The following CCDC148 variants were observed in gnomAD, a reference collection of about 807,000 sequenced individuals.
CCDC148 encodes coiled-coil domain-containing protein 148.
In CCDC148, 89 loss-of-function variants were observed where a neutral mutation model predicts 85.7. The observed-to-expected ratio is 1.04, with a 90% confidence interval of 0.87 to 1.24. The LOEUF is 1.24. Ranked by LOEUF, CCDC148 falls within the 50% of genes most tolerant of loss-of-function variation. The pLI, the probability that CCDC148 is intolerant of heterozygous loss-of-function variation, is 0.00. For synonymous variants in CCDC148, 230 were observed against 213.9 expected (o/e 1.08, Z -0.66); for missense variants, 692 against 671.7 (o/e 1.03, Z -0.33).
At chr2:158,314,895 A>G (rs973502069) in intron 7 of CCDC148, among the ~76,000 whole-genome samples, 4 of 152,210 alleles carry the variant, frequency 2.6e-5, no homozygotes, top group African/African-American at 9.6e-5. Context: ...TGCCCCTAAA[A>G]AATATTTGAC....
intron 7 of CCDC148, among the ~76,000 whole-genome samples, chr2:158,325,944 G>A (rs2105225702): frequency 6.6e-6 from 1 of 152,180 alleles, no homozygotes; most frequent in African/African-American, 2.4e-5. Flanking sequence ...CAGCCCCACA[G>A]TTTATCTTAA....
At chr2:158,207,984 C>CAG (rs1189494571) in intron 11 of CCDC148, among the ~76,000 whole-genome samples, 1 of 150,982 alleles carries the variant, frequency 6.6e-6, no homozygotes, top group African/African-American at 2.4e-5. Context: ...CACACACACA[C>CAG]ACTTTCTGTT....
chr2:158,262,444 A>G (rs2105153638), intron 9 of CCDC148, among the ~76,000 whole-genome samples: 1 of 152,116 alleles, frequency 6.6e-6, no homozygotes, highest in South Asian at 2.1e-4. Flanking sequence ...ATATATCTGC[A>G]CAATAAAACC....
At chr2:158,409,315 G>A (rs1174875223) in intron 1 of CCDC148, among the ~76,000 whole-genome samples, 1 of 152,194 alleles carries the variant, frequency 6.6e-6, no homozygotes, top group Non-Finnish European at 1.5e-5. Context: ...GACAGCCCAT[G>A]AAAGCAGCCA....
intron 1 of CCDC148, among the ~76,000 whole-genome samples, chr2:158,420,526 C>T (rs950783266): frequency 6.6e-6 from 1 of 152,080 alleles, no homozygotes; most frequent in African/African-American, 2.4e-5. Context: ...CCTTTACAGA[C>T]AAGCAAATAC....
intron 9 of CCDC148, among the ~76,000 whole-genome samples, chr2:158,285,553 C>T (rs1470383560): frequency 1.6e-4 from 23 of 148,354 alleles, no homozygotes; most frequent in South Asian, 2.1e-4. Flanking sequence ...TTTTTTGAGA[C>T]GGAGTCTTGC....
intron 7 of CCDC148, among the ~76,000 whole-genome samples, chr2:158,332,723 C>T (rs1051108014): frequency 3.9e-5 from 6 of 151,950 alleles, no homozygotes; most frequent in African/African-American, 1.5e-4. Context: ...TGTTATTGGT[C>T]TACTCAGGGA....
intron 3 of CCDC148, among the ~76,000 whole-genome samples, chr2:158,341,792 A>G (rs553278692): frequency 6.6e-6 from 1 of 151,728 alleles, no homozygotes; most frequent in Non-Finnish European, 1.5e-5. Context: ...AGCAATTATA[A>G]TCCTTTAATA....
At chr2:158,255,385 T>C (rs1349273191) in intron 9 of CCDC148, among the ~76,000 whole-genome samples, 4 of 151,556 alleles carry the variant, frequency 2.6e-5, no homozygotes, top group Admixed American at 6.6e-5. Context: ...TCAGCAGCAA[T>C]TGGTATCTAA....
chr2:158,420,803 G>C (rs1686741043), intron 1 of CCDC148, among the ~76,000 whole-genome samples: 1 of 152,002 alleles, frequency 6.6e-6, no homozygotes, highest in Admixed American at 6.6e-5. Flanking sequence ...AACTTGGATA[G>C]AGTCAAGACC....
At chr2:158,344,672 G>A (rs375937369) in intron 3 of CCDC148, among the ~76,000 whole-genome samples, 4 of 151,834 alleles carry the variant, frequency 2.6e-5, no homozygotes, top group African/African-American at 4.8e-5. Context: ...TTATCTTTAC[G>A]TGACAGCTGG....
chr2:158,314,199 A>G (rs6760775), intron 7 of CCDC148, among the ~76,000 whole-genome samples: 6,498 of 152,304 alleles, frequency 0.043, 236 homozygotes, highest in African/African-American at 0.094. Flanking sequence ...AATCATGACC[A>G]ATGAATGAAA....
At chr2:158,195,166 G>A (rs1685610384) in intron 11 of CCDC148, among the ~76,000 whole-genome samples, 1 of 151,778 alleles carries the variant, frequency 6.6e-6, no homozygotes, top group Admixed American at 6.6e-5. Flanking sequence ...TGGCTTTATT[G>A]GCTTATTCTG....
At chr2:158,205,403 G>A (rs1686187723) in intron 11 of CCDC148, among the ~76,000 whole-genome samples, 2 of 152,146 alleles carry the variant, frequency 1.3e-5, no homozygotes, top group South Asian at 4.1e-4. Context: ...TGAAGTGCCA[G>A]GGAGACATCC....
chr2:158,220,570 C>G (rs752644181), intron 11 of CCDC148, 25 bp downstream of exon 11: 1 of 1,532,472 alleles, frequency 6.5e-7, no homozygotes, highest in Non-Finnish European at 9.0e-7. Context: ...CCTCCATTAC[C>G]ACACAATTTT....
intron 1 of CCDC148, among the ~76,000 whole-genome samples, chr2:158,427,091 T>C (rs1289804877): frequency 6.6e-6 from 1 of 152,172 alleles, no homozygotes; most frequent in Non-Finnish European, 1.5e-5. Flanking sequence ...GAAATAATAA[T>C]TTGACCTCAC....
intron 11 of CCDC148, among the ~76,000 whole-genome samples, chr2:158,210,036 G>A (rs1171544763): frequency 2.0e-5 from 3 of 152,070 alleles, no homozygotes; most frequent in Non-Finnish European, 4.4e-5. Context: ...AAAGAGTCAC[G>A]ACCCATTGGT....
intron 9 of CCDC148, among the ~76,000 whole-genome samples, chr2:158,284,206 C>A (rs1197832320): frequency 6.6e-6 from 1 of 151,564 alleles, no homozygotes; most frequent in Non-Finnish European, 1.5e-5. Flanking sequence ...AGCGCACCAG[C>A]ATGTCACATG....
chr2:158,298,798 T>C (rs1691312714), intron 9 of CCDC148, among the ~76,000 whole-genome samples: 1 of 152,230 alleles, frequency 6.6e-6, no homozygotes, highest in African/African-American at 2.4e-5. Flanking sequence ...TTTAACAAAT[T>C]AATCATAATT....
Sources: gnomAD v4.1 joint callset for allele counts (sites outside exome capture counted in the v4.1 genomes callset) on GRCh38, gnomAD v4.1.1 for gene constraint, MANE v1.5 for transcripts, NCBI Gene and HGNC (gene_info 2026-07-23, HGNC 2026-07-21) for gene names.